The following ROBO1 variants were observed in gnomAD, a reference collection of about 807,000 sequenced individuals.
ROBO1 encodes roundabout homolog 1.
ROBO1 carries 149 observed loss-of-function variants against 195.9 expected under a neutral mutation model. That is an observed-to-expected ratio of 0.76 (90% CI 0.67 to 0.87). The LOEUF (loss-of-function observed/expected upper bound fraction) is 0.87, where lower values mean the gene tolerates loss of function less well. Among genes scored for constraint, ROBO1 ranks in the 40% least tolerant of loss-of-function variants. The pLI is 0.00. For missense variants in ROBO1, 1,933 were observed against 2,068.3 expected (o/e 0.93, Z 1.27); for synonymous variants, 816 against 733.2 (o/e 1.11, Z -1.82).
intron 4 of ROBO1, among the ~76,000 whole-genome samples, chr3:78,864,767 T>C (rs537490510): frequency 6.6e-6 from 1 of 151,988 alleles, no homozygotes; most frequent in Non-Finnish European, 1.5e-5. Flanking sequence ...AACTTTTTTT[T>C]AAGTCACCTC....
chr3:79,159,225 G>T (rs763963015), intron 2 of ROBO1, among the ~76,000 whole-genome samples: 1 of 152,072 alleles, frequency 6.6e-6, no homozygotes, highest in Non-Finnish European at 1.5e-5. Flanking sequence ...TAGGGAAAAT[G>T]TTCTCAGTCT....
intron 1 of ROBO1, among the ~76,000 whole-genome samples, chr3:79,664,467 T>C (rs1355835506): frequency 2.6e-5 from 4 of 152,080 alleles, no homozygotes; most frequent in African/African-American, 9.7e-5. Flanking sequence ...GGTGCCTGGA[T>C]GCCTTGTCCT....
At chr3:79,660,396 A>G (rs1195404990) in intron 1 of ROBO1, among the ~76,000 whole-genome samples, 2 of 152,142 alleles carry the variant, frequency 1.3e-5, no homozygotes, top group Non-Finnish European at 2.9e-5. Flanking sequence ...TGTAAGACAC[A>G]TGGATCAGGG....
rs184335746 is a variant in ROBO1 at position 79,320,269 on chromosome 3, G to A, written c.89-194730C>T. Among the ~76,000 whole-genome samples the A allele has an allele frequency of 6.1e-3, 936 of 152,228 alleles. 14 individuals carry two copies. Among genetic ancestry groups the A allele is most frequent in the African/African-American group, 0.021 (887 of 41,540 alleles). On this transcript the variant is annotated intron_variant, in intron 2 of 30. Transcript: ENST00000464233. ...GAGCTGTGGGGTCTCTATTAAGCAGGTGCGAATCCCATCCATGAGGACTCC... is the reference window on the plus strand; with the variant it reads ...GAGCTGTGGGGTCTCTATTAAGCAGATGCGAATCCCATCCATGAGGACTCC...
intron 2 of ROBO1, among the ~76,000 whole-genome samples, chr3:79,469,842 A>G (rs774830191): frequency 6.6e-6 from 1 of 152,102 alleles, no homozygotes; most frequent in South Asian, 2.1e-4. Context: ...TCTTTTATAC[A>G]GGTTAAAAAA....
At chr3:79,086,128 G>A (rs1439043933) in intron 3 of ROBO1, among the ~76,000 whole-genome samples, 1 of 149,916 alleles carries the variant, frequency 6.7e-6, no homozygotes, top group African/African-American at 2.4e-5. Flanking sequence ...TTTTTTTTAG[G>A]TGTTATGTGG....
At chr3:79,197,818 T>C (rs1469144963) in intron 2 of ROBO1, among the ~76,000 whole-genome samples, 2 of 152,138 alleles carry the variant, frequency 1.3e-5, no homozygotes, top group African/African-American at 2.4e-5. Flanking sequence ...CATAAGTTTG[T>C]TGGCTGCATA....
chr3:78,625,254 T>C (rs955868643), intron 26 of ROBO1, among the ~76,000 whole-genome samples: 10 of 152,186 alleles, frequency 6.6e-5, no homozygotes, highest in Non-Finnish European at 1.5e-4. Flanking sequence ...AGTGACTTCA[T>C]GAATAACCTC....
At chr3:78,915,270 A>T (rs1179192951) in intron 4 of ROBO1, among the ~76,000 whole-genome samples, 1 of 152,212 alleles carries the variant, frequency 6.6e-6, no homozygotes, top group Non-Finnish European at 1.5e-5. Context: ...ATGTTCAAAA[A>T]GAGTTTCCTA....
intron 3 of ROBO1, among the ~76,000 whole-genome samples, chr3:78,963,643 G>C (rs1018984807): frequency 2.7e-5 from 4 of 150,784 alleles, no homozygotes; most frequent in East Asian, 2.0e-4. Context: ...CTCAGCCTCC[G>C]GAGTAGCTGG....
Position 79,110,477 on chromosome 3 carries a change from G to A in ROBO1, c.172+14979C>T, listed in dbSNP as rs2079865481. 2.6e-5 allele frequency among the ~76,000 whole-genome samples: 4 copies of A among 151,794 alleles called. No individual in the cohort carries two copies. The Admixed American group carries it at 2.6e-4, about 10-fold the overall frequency. On this transcript the variant is annotated intron_variant, in intron 3 of 30. Coordinates refer to ENST00000464233, the MANE Select transcript of ROBO1 (RefSeq NM_002941.4). ...ATTTTGTAAACACCCAATTGACCGA[G>A]TAAATCTTCTTAAAATACCTCCTGT...
intron 3 of ROBO1, among the ~76,000 whole-genome samples, chr3:79,112,913 T>G (rs77701761): frequency 6.6e-6 from 1 of 150,660 alleles, no homozygotes; most frequent in Non-Finnish European, 1.5e-5. Context: ...TAAAGTATAA[T>G]AAAAAAATAA....
At chr3:79,631,490 A>AAAAAACT (rs1945338432) in intron 1 of ROBO1, among the ~76,000 whole-genome samples, 1 of 152,062 alleles carries the variant, frequency 6.6e-6, no homozygotes, top group Admixed American at 6.6e-5. Context: ...ATAACTTGAG[A>AAAAAACT]TGGATTAAAG....
At chr3:79,110,082 T>C (rs1440587303) in intron 3 of ROBO1, among the ~76,000 whole-genome samples, 1 of 152,004 alleles carries the variant, frequency 6.6e-6, no homozygotes, top group African/African-American at 2.4e-5. Flanking sequence ...ATTGCTTTAA[T>C]CTCTTTCTCA....
At chr3:79,080,089 A>G (rs2079243791) in intron 3 of ROBO1, among the ~76,000 whole-genome samples, 1 of 151,928 alleles carries the variant, frequency 6.6e-6, no homozygotes, top group Non-Finnish European at 1.5e-5. Flanking sequence ...TGTGTTCATA[A>G]AAGTGTTACA....
chr3:79,444,429 G>C (rs1267805183), intron 2 of ROBO1, among the ~76,000 whole-genome samples: 2 of 152,084 alleles, frequency 1.3e-5, no homozygotes, highest in Non-Finnish European at 2.9e-5. Context: ...AAATTGACCA[G>C]ATTGGCAAAA....
chr3:79,464,879 C>G (rs1937871717), intron 2 of ROBO1, among the ~76,000 whole-genome samples: 1 of 152,146 alleles, frequency 6.6e-6, no homozygotes, highest in African/African-American at 2.4e-5. Context: ...ACACATGACT[C>G]CAATCTTCCA....
At chr3:78,666,890 C>A (rs1045644736) in intron 14 of ROBO1, among the ~76,000 whole-genome samples, 1 of 150,418 alleles carries the variant, frequency 6.6e-6, no homozygotes, top group Non-Finnish European at 1.5e-5. Flanking sequence ...ATTTTTTTTT[C>A]TTTTTTCCTT....
intron 3 of ROBO1, among the ~76,000 whole-genome samples, chr3:79,062,888 G>T (rs753522250): frequency 6.6e-6 from 1 of 151,878 alleles, no homozygotes; most frequent in Non-Finnish European, 1.5e-5. Flanking sequence ...TGTAAATGAC[G>T]AGTTGATGGG....
Sources: allele counts gnomAD v4.1 joint callset (sites outside exome capture counted in the v4.1 genomes callset), GRCh38; gene constraint gnomAD v4.1.1; transcripts MANE v1.5; gene names NCBI Gene and HGNC (gene_info 2026-07-23, HGNC 2026-07-21).